SLC18A2: variants seen among roughly 807,000 people sequenced by gnomAD.
The protein encoded by SLC18A2 is synaptic vesicular amine transporter.
SLC18A2 carries 33 observed loss-of-function variants against 59.2 expected under a neutral mutation model. The ratio of observed to expected loss-of-function variants is 0.56; its 90% CI spans 0.42 to 0.75. The LOEUF (loss-of-function observed/expected upper bound fraction) is 0.75, where lower values mean the gene tolerates loss of function less well. Among genes scored for constraint, SLC18A2 ranks in the 30% least tolerant of loss-of-function variants. The pLI is 0.00. For synonymous variants in SLC18A2, 228 were observed against 253.5 expected, an observed-to-expected ratio of 0.90 and a Z score of 0.95; for missense variants, 569 against 668.6, an observed-to-expected ratio of 0.85 and a Z score of 1.64.
intron 3 of SLC18A2, among the ~76,000 whole-genome samples, chr10:117,246,086 C>CT (rs1392353416): frequency 1.3e-5 from 2 of 152,112 alleles, no homozygotes; most frequent in Non-Finnish European, 2.9e-5. Context: ...GTTTTCTTTC[C>CT]TTTTTTCAAG....
chr10:117,266,714 C>G lies in SLC18A2; in HGVS notation c.992-19C>G. On this transcript the variant is annotated intron_variant, in intron 10 of 15. Transcript: ENST00000644641. The stretch of plus-strand genomic sequence containing the variant: ...ACTGATATCAGCACTGATAAGGTCT[C>G]CTTTTCATAAATTTACAGGCGTTGC... The G allele has an allele frequency of 6.3e-7, 1 of 1,590,268 alleles. No individual in the cohort carries two copies. Among genetic ancestry groups the G allele is most frequent in the South Asian group, 1.1e-5 (1 of 90,170 alleles).
intron 9 of SLC18A2, among the ~76,000 whole-genome samples, chr10:117,257,000 A>T (rs1380649531): frequency 6.6e-6 from 1 of 152,208 alleles, no homozygotes; most frequent in Non-Finnish European, 1.5e-5. Context: ...GTTGAGAGCC[A>T]AGTGGCTGTC....
In SLC18A2 at chr10:117,275,446, T is replaced by C. The variant is rs1243603098; in HGVS notation, c.1441-1716T>C. Among the ~76,000 whole-genome samples the C allele has an allele frequency of 2.0e-5, 3 of 152,174 alleles. No individual in the cohort carries two copies. The East Asian group carries it at 5.8e-4, about 29-fold the overall frequency. On this transcript the variant is annotated intron_variant, in intron 15 of 15. Coordinates refer to ENST00000644641, the MANE Select transcript of SLC18A2 (RefSeq NM_003054.6). ...AGATACATTTTAATCTATTTAGATT[T>C]GCAAACTGCAAAAAAAATATTGGGG...
rs1040005992 is a variant in SLC18A2 at position 117,277,522 on chromosome 10, T to A, written c.*256T>A. 4 of 217,880 alleles carry A rather than the reference T, an allele frequency of 1.8e-5. No homozygotes were observed. The highest frequency in any genetic ancestry group is 5.7e-5 in the Admixed American group (1 of 17,530). The allele number at this position is 217,880 out of a possible 1,614,324, so 13.5% of individuals were successfully genotyped here. ...TAATTTTATTAAATATCATACAATA[T>A]ATTTTGATGAAATAGGTATTGTGTA... On this transcript the variant is annotated 3_prime_UTR_variant, in exon 16 of 16. Transcript: ENST00000644641.
chr10:117,255,393 C>T (rs777305822), intron 7 of SLC18A2, 27 bp downstream of exon 7: 1 of 1,613,890 alleles, frequency 6.2e-7, no homozygotes, highest in Admixed American at 1.7e-5. Context: ...GGGCGCCATG[C>T]CATGACCTTG....
At chr10:117,272,510 G>A (rs943718763) in intron 15 of SLC18A2, among the ~76,000 whole-genome samples, 1 of 152,182 alleles carries the variant, frequency 6.6e-6, no homozygotes, top group African/African-American at 2.4e-5. Flanking sequence ...AGGACTGGCA[G>A]AAGGCAGGCC....
In SLC18A2 at chr10:117,244,259, C is replaced by T. The variant is rs549298847; in HGVS notation, c.410C>T (p.Ser137Leu). ...GTGCAAGTTGGTCTGTTGTTTGCCT[C>T]GAAAGCCACCGTCCAGCTCATCACC... is the stretch of plus-strand genomic sequence containing the variant. ...ENVQVGLLFA[S>L]KATVQLITNP... The change falls in exon 3 of 16, where the codon TCG becomes TTG. Residue 137 changes from serine to leucine, a missense_variant. By Grantham distance (145) the Ser-to-Leu change is moderately radical (BLOSUM62 -2). This residue lies in a region of SLC18A2 where 377 missense variants were observed against 389.8 expected (regional missense o/e 0.97). Coordinates refer to ENST00000644641, the MANE Select transcript of SLC18A2 (RefSeq NM_003054.6). 11 of 1,614,176 alleles carry T rather than the reference C, an allele frequency of 6.8e-6. No homozygotes were observed. Among genetic ancestry groups the T allele is most frequent in the East Asian group, 4.5e-5 (2 of 44,892 alleles).
intron 10 of SLC18A2, among the ~76,000 whole-genome samples, chr10:117,266,083 C>T (rs546636456): frequency 1.7e-4 from 21 of 122,508 alleles, no homozygotes; most frequent in African/African-American, 4.8e-4. Flanking sequence ...GAGCGAGACT[C>T]CATCTCAAAA....
At chr10:117,243,576 G>A (rs1844077809) in intron 2 of SLC18A2, among the ~76,000 whole-genome samples, 1 of 152,090 alleles carries the variant, frequency 6.6e-6, no homozygotes, top group Non-Finnish European at 1.5e-5. Flanking sequence ...CCATAGTTTT[G>A]TTGTTGTTAT....
intron 3 of SLC18A2, 38 bp downstream of exon 3, chr10:117,244,351 G>A (rs367629150): frequency 1.3e-6 from 2 of 1,534,986 alleles, no homozygotes; most frequent in Non-Finnish European, 8.9e-7. Context: ...TTTGATATTT[G>A]TATCAGTCCT....
chr10:117,247,148 T>G (rs758929671), intron 3 of SLC18A2, among the ~76,000 whole-genome samples: 1 of 152,212 alleles, frequency 6.6e-6, no homozygotes, highest in Non-Finnish European at 1.5e-5. Context: ...AGGAGTTAAC[T>G]TGTGAGCCAT....
chr10:117,260,054 T>C (rs2133737558), intron 10 of SLC18A2, among the ~76,000 whole-genome samples: 1 of 152,360 alleles, frequency 6.6e-6, no homozygotes, highest in East Asian at 1.9e-4. Context: ...TTAAAATTGA[T>C]GCTATCATAT....
chr10:117,260,384 C>T (rs1427582973), intron 10 of SLC18A2, among the ~76,000 whole-genome samples: 1 of 152,254 alleles, frequency 6.6e-6, no homozygotes, highest in Non-Finnish European at 1.5e-5. Context: ...TCTTGCTGGC[C>T]TCACCATTTG....
At chr10:117,246,911 C>T (rs918495402) in intron 3 of SLC18A2, among the ~76,000 whole-genome samples, 1 of 152,212 alleles carries the variant, frequency 6.6e-6, no homozygotes, top group Non-Finnish European at 1.5e-5. Flanking sequence ...ACCTCGGCCT[C>T]CCAAAGTGCT....
At chr10:117,258,663 C>G (rs1386594817) in intron 10 of SLC18A2, among the ~76,000 whole-genome samples, 1 of 152,094 alleles carries the variant, frequency 6.6e-6, no homozygotes, top group East Asian at 1.9e-4. Context: ...TCCCACGCCT[C>G]TTGATCCCCA....
chr10:117,250,253 T>C (rs1428783749), intron 3 of SLC18A2, among the ~76,000 whole-genome samples: 1 of 152,108 alleles, frequency 6.6e-6, no homozygotes, highest in Non-Finnish European at 1.5e-5. Context: ...TGGCTTGGCC[T>C]GTGTTGAAAG....
chr10:117,266,647 C>T, intron 10 of SLC18A2, 86 bp from the exon 11 acceptor site: 1 of 1,054,064 alleles, frequency 9.5e-7, no homozygotes. Context: ...CTGCTCTCAT[C>T]AACATTGTGG....
chr10:117,266,833 A>G, intron 11 of SLC18A2, 22 bp downstream of exon 11: 1 of 1,596,890 alleles, frequency 6.3e-7, no homozygotes, highest in Non-Finnish European at 8.6e-7. Flanking sequence ...TGAAAACAAC[A>G]CTCATTCTGT....
chr10:117,242,093 T>A (rs1264786594), intron 2 of SLC18A2, among the ~76,000 whole-genome samples: 2 of 152,234 alleles, frequency 1.3e-5, no homozygotes. Flanking sequence ...TCCTCTTGCC[T>A]GCTTTCACTG....
Sources: allele counts gnomAD v4.1 joint callset (sites outside exome capture counted in the v4.1 genomes callset), GRCh38; gene constraint gnomAD v4.1.1; regional missense constraint gnomAD v4.1.1; transcripts MANE v1.5; gene names NCBI Gene and HGNC (gene_info 2026-07-23, HGNC 2026-07-21).